Variants in HTRA4 observed in about 807,000 individuals in gnomAD.
HTRA4 encodes HtrA serine peptidase 4.
HTRA4 carries 46 observed loss-of-function variants against 49.1 expected under a neutral mutation model. The observed-to-expected ratio is 0.94, with a 90% confidence interval of 0.74 to 1.20. HTRA4 has a LOEUF of 1.20. HTRA4 is among the 50% of genes most tolerant of loss of function. The probability of loss-of-function intolerance (pLI) is 0.00; values close to 1 mark genes in which losing one functional copy is unlikely to be tolerated. For synonymous variants in HTRA4, 261 were observed against 264.0 expected (o/e 0.99, Z 0.11); for missense variants, 602 against 636.9 (o/e 0.95, Z 0.59).
intron 1 of HTRA4, 118 bp from the exon 2 acceptor site, chr8:38,974,913 C>G (rs1461890737): frequency 2.3e-6 from 3 of 1,286,138 alleles, no homozygotes; most frequent in Non-Finnish European, 3.3e-6. Flanking sequence ...CCGGCTGCTA[C>G]GTGGTTTCTC....
rs1289105815 is a variant in HTRA4 at position 38,988,563 on chromosome 8, G to A, written c.*465G>A. The A allele has an allele frequency of 6.6e-6, 1 of 152,252 alleles. No homozygotes were observed. Among genetic ancestry groups the A allele is most frequent in the Admixed American group, 6.5e-5 (1 of 15,270 alleles). The allele number at this position is 152,252 out of a possible 1,614,324, so 9.4% of individuals were successfully genotyped here. The stretch of plus-strand genomic sequence containing the variant: ...CACCCAGGTGATGGGTTGATTGATA[G>A]GTGCAGCAAACCATCATGGCACACA... On this transcript the variant is annotated 3_prime_UTR_variant, in exon 9 of 9. Coordinates refer to ENST00000302495, the MANE Select transcript of HTRA4 (RefSeq NM_153692.4).
rs750029991 is a variant in HTRA4 at position 38,983,035 on chromosome 8, A to G, written c.1255A>G (p.Thr419Ala). The G allele has an allele frequency of 4.4e-5, 71 of 1,611,580 alleles. No homozygotes were observed. Among genetic ancestry groups the G allele is most frequent in the Non-Finnish European group, 5.9e-5 (69 of 1,177,882 alleles). ...GVYVCKVVEG[T>A]AAQSSGLRDH... ...TTATGTATGTAAAGTGGTTGAAGGA[A>G]CAGCTGCTCAAAGGTAAGAGAAGTG... The change falls in exon 8 of 9, where the codon ACA (threonine) becomes GCA (alanine). Residue 419 changes from threonine (T) to alanine (A), a missense_variant. Transcript: ENST00000302495.
At chr8:38,977,058 C>T (rs1455389208) in intron 3 of HTRA4, among the ~76,000 whole-genome samples, 1 of 152,130 alleles carries the variant, frequency 6.6e-6, no homozygotes, top group Admixed American at 6.6e-5. Flanking sequence ...GCCTCAGCTT[C>T]CTGAGTACCT....
At chr8:38,987,325 C>T (rs1835494074) in intron 8 of HTRA4, among the ~76,000 whole-genome samples, 1 of 152,114 alleles carries the variant, frequency 6.6e-6, no homozygotes, top group Non-Finnish European at 1.5e-5. Context: ...ATGTTGAAGG[C>T]AATAAAGTCA....
At chr8:38,986,954 G>C (rs532925816) in intron 8 of HTRA4, among the ~76,000 whole-genome samples, 4 of 152,198 alleles carry the variant, frequency 2.6e-5, no homozygotes, top group African/African-American at 9.7e-5. Context: ...TGACTCACAG[G>C]ACTAGTATGA....
chr8:38,988,260 A>G lies in HTRA4; in HGVS notation c.*162A>G. 1.6e-6 allele frequency: 1 copy of G among 612,118 alleles called. No homozygotes were observed. Among genetic ancestry groups the G allele is most frequent in the East Asian group, 2.9e-5 (1 of 33,926 alleles). 37.9% of individuals were successfully genotyped at this position (612,118 alleles called of 1,614,324 possible). A position where few individuals can be genotyped will look rare whatever the true frequency, so the allele number is the denominator to read the frequency against. ...CAAATGCCCATCAATGACAGACTGG[A>G]TAAAGCAAATGTGGTACATATACAC... On this transcript the variant is annotated 3_prime_UTR_variant, in exon 9 of 9. Transcript: ENST00000302495.
At chr8:38,983,200 G>A in intron 8 of HTRA4, 152 bp downstream of exon 8, 1 of 455,134 alleles carries the variant, frequency 2.2e-6, no homozygotes, top group Non-Finnish European at 4.0e-6. Flanking sequence ...TGGCCAGTGT[G>A]ACTGAGGAAC....
Position 38,974,699 on chromosome 8 carries a change from C to A in HTRA4, c.436C>A (p.Pro146Thr). 1 of 1,420,262 alleles carries A rather than the reference C, an allele frequency of 7.0e-7. No individual in the cohort carries two copies. Among genetic ancestry groups the A allele is most frequent in the South Asian group, 1.6e-5 (1 of 63,726 alleles). The allele number at this position is 1,420,262 out of a possible 1,614,324, so 88.0% of individuals were successfully genotyped here. Residue 146 changes from proline (P) to threonine (T), a missense_variant, in exon 1 of 9, where the codon CCT becomes ACT. By Grantham distance (38) the Pro-to-Thr change is conservative (BLOSUM62 -1). Coordinates refer to ENST00000302495, the MANE Select transcript of HTRA4 (RefSeq NM_153692.4). ...ARRLGKVPAVPVQWGNCGDTG... is the reference protein window; with the variant it reads ...ARRLGKVPAVTVQWGNCGDTG... ...CCGCCTGGGCAAGGTCCCGGCCGTG[C>A]CTGTGCAGTGGGGGAACTGCGGGGA...
chr8:38,985,362 T>C (rs1835471988), intron 8 of HTRA4, among the ~76,000 whole-genome samples: 4 of 152,170 alleles, frequency 2.6e-5, no homozygotes, highest in African/African-American at 9.6e-5. Flanking sequence ...GTTTTCACCA[T>C]GTTGGCCAGG....
At chr8:38,979,352 T>C (rs1403135294) in intron 5 of HTRA4, 105 bp downstream of exon 5, 3 of 1,001,646 alleles carry the variant, frequency 3.0e-6, no homozygotes, top group Non-Finnish European at 4.8e-6. Context: ...CCCAGCACAT[T>C]TGGGATGACT....
chr8:38,987,391 G>A (rs1169189024), intron 8 of HTRA4, among the ~76,000 whole-genome samples: 2 of 148,600 alleles, frequency 1.3e-5, no homozygotes, highest in African/African-American at 2.5e-5. Context: ...GACTCAGAAG[G>A]TTGGCGGGTT....
rs776090878 is a variant in HTRA4, at chr8:38,978,093, A to C, written c.912A>C (p.Glu304Asp). The C allele has an allele frequency of 1.2e-6, 2 of 1,614,170 alleles. No homozygotes were observed. The highest frequency in any genetic ancestry group is 4.5e-5 in the East Asian group (2 of 44,886). The change falls in exon 4 of 9, where the codon GAA becomes GAC. Residue 304 changes from glutamate (E) to aspartate (D), a missense_variant. Coordinates refer to ENST00000302495, the MANE Select transcript of HTRA4 (RefSeq NM_153692.4). Reference sequence around the variant, plus strand: ...GCACCAAACAGCGAGGGGGCAAAGAACTGGGGATGAAGGATTCAGATATGG... The same window carrying C: ...GCACCAAACAGCGAGGGGGCAAAGACCTGGGGATGAAGGATTCAGATATGG... The part of the protein sequence containing the change: ...IVSTKQRGGK[E>D]LGMKDSDMDY...
chr8:38,977,251 T>C (rs1835364124), intron 3 of HTRA4, among the ~76,000 whole-genome samples: 2 of 149,482 alleles, frequency 1.3e-5, no homozygotes, highest in Admixed American at 1.4e-4. Context: ...CTGTTTCTAT[T>C]AACTATCAAG....
rs373559742 is a variant in HTRA4 at position 38,988,125 on chromosome 8, TAAA to T, written c.*38_*40del. Reference sequence around the variant, plus strand: ...TATCTTGTTTTAAAGTGGGATTATCTAAAAAAAAAAAAACCAGTTATATCACGT... The same window carrying T: ...TATCTTGTTTTAAAGTGGGATTATCTAAAAAAAAAACCAGTTATATCACGT... On this transcript the variant is annotated 3_prime_UTR_variant, in exon 9 of 9. Coordinates refer to ENST00000302495, the MANE Select transcript of HTRA4 (RefSeq NM_153692.4). 3.7e-6 allele frequency: 5 copies of T among 1,334,922 alleles called. No homozygotes were observed. Among genetic ancestry groups the T allele is most frequent in the Admixed American group, 5.8e-5 (2 of 34,408 alleles). The allele number at this position is 1,334,922 out of a possible 1,614,324, so 82.7% of individuals were successfully genotyped here. A position where few individuals can be genotyped will look rare whatever the true frequency, so the allele number is the denominator to read the frequency against.
intron 8 of HTRA4, among the ~76,000 whole-genome samples, chr8:38,986,137 G>C (rs553548796): frequency 6.6e-6 from 1 of 152,208 alleles, no homozygotes; most frequent in Admixed American, 6.5e-5. Flanking sequence ...TTCCAGCCTG[G>C]GTAAGAGAGT....
intron 6 of HTRA4, 44 bp downstream of exon 6, chr8:38,981,811 C>G: frequency 2.2e-6 from 3 of 1,337,488 alleles, no homozygotes; most frequent in Non-Finnish European, 3.2e-6. Context: ...TCGTCTTGTG[C>G]TTTTCAGGAA....
At position 38,988,188 on chromosome 8, in the gene HTRA4, A is replaced by G; in HGVS notation, c.*90A>G. ...TGGAGATGTGCCAAACATGGCAAGAAGTTTTTGGATCTTTTTCTTACAAAG... is the reference window on the plus strand; with the variant it reads ...TGGAGATGTGCCAAACATGGCAAGAGGTTTTTGGATCTTTTTCTTACAAAG... On this transcript the variant is annotated 3_prime_UTR_variant, in exon 9 of 9. Transcript: ENST00000302495. 1 of 1,222,908 alleles carries G rather than the reference A, an allele frequency of 8.2e-7. No individual in the cohort carries two copies. Among genetic ancestry groups the G allele is most frequent in the South Asian group, 1.7e-5 (1 of 60,048 alleles). 75.8% of individuals were successfully genotyped at this position (1,222,908 alleles called of 1,614,324 possible). A position where few individuals can be genotyped will look rare whatever the true frequency, so the allele number is the denominator to read the frequency against.
intron 2 of HTRA4, 90 bp from the exon 3 acceptor site, chr8:38,976,445 A>G: frequency 8.6e-7 from 1 of 1,164,818 alleles, no homozygotes; most frequent in Middle Eastern, 2.9e-4. Context: ...AGGTATGTTT[A>G]ATAAGAGTGA....
At chr8:38,978,752 T>C (rs1339294975) in intron 4 of HTRA4, among the ~76,000 whole-genome samples, 1 of 150,978 alleles carries the variant, frequency 6.6e-6, no homozygotes, top group Non-Finnish European at 1.5e-5. Context: ...ATCCCAGCAC[T>C]TTGGGAGGCC....
Sources: allele counts gnomAD v4.1 joint callset (sites outside exome capture counted in the v4.1 genomes callset), GRCh38; gene constraint gnomAD v4.1.1; transcripts MANE v1.5; gene names NCBI Gene and HGNC (gene_info 2026-07-23, HGNC 2026-07-21).